GRM5: variants seen among roughly 807,000 people sequenced by gnomAD.
GRM5 encodes the protein metabotropic glutamate receptor 5.
A neutral mutation model predicts 83.1 loss-of-function variants in GRM5; 19 were observed. The observed-to-expected ratio is 0.23, with a 90% CI of 0.16 to 0.34. The LOEUF is 0.34. Among genes scored for constraint, GRM5 ranks in the 10% least tolerant of loss-of-function variants. The pLI is 1.00. For missense variants in GRM5, 1,160 were observed against 1,588.3 expected (o/e 0.73, Z 4.58); for synonymous variants, 675 against 633.6 (o/e 1.07, Z -0.98).
At chr11:88,608,500 C>T (rs1323205228) in intron 4 of GRM5, among the ~76,000 whole-genome samples, 6 of 147,558 alleles carry the variant, frequency 4.1e-5, no homozygotes, top group Non-Finnish European at 1.5e-5. Flanking sequence ...AATATAAGCT[C>T]TATGAAAACA....
intron 9 of GRM5, among the ~76,000 whole-genome samples, chr11:88,522,562 G>C (rs1276548473): frequency 7.5e-6 from 1 of 133,514 alleles, no homozygotes; most frequent in Non-Finnish European, 1.7e-5. Flanking sequence ...AGCATGGCAG[G>C]TCTCTCTTCT....
At chr11:88,700,528 T>C (rs7483991) in intron 3 of GRM5, among the ~76,000 whole-genome samples, 116,781 of 152,104 alleles carry the variant, frequency 0.77, 45,024 homozygotes, top group East Asian at 0.96. Flanking sequence ...TGGAATGTTG[T>C]CTGCATTGTA....
rs998888483 is a variant in GRM5, at chr11:88,604,816, A to G, written c.1296T>C (p.Ile432=). Residue 432 remains isoleucine, a synonymous_variant, in exon 5 of 10, where the codon ATT becomes ATC. Transcript: ENST00000305447. ...YAGLCDAMKP[I]DGRKLLESLM... is the part of the protein sequence containing the mutation. ...GGGACTCCAAAAGTTTCCGTCCATC[A>G]ATTGGCTTCATGGCATCACAGAGTC... The G allele has an allele frequency of 1.9e-6, 3 of 1,613,830 alleles. No individual in the cohort carries two copies. Among genetic ancestry groups the G allele is most frequent in the African/African-American group, 1.3e-5 (1 of 74,918 alleles).
intron 2 of GRM5, among the ~76,000 whole-genome samples, chr11:88,959,953 T>A (rs941888513): frequency 2.0e-5 from 3 of 152,190 alleles, no homozygotes; most frequent in Non-Finnish European, 4.4e-5. Flanking sequence ...TAAACTCAGT[T>A]TAACATATGG....
intron 3 of GRM5, among the ~76,000 whole-genome samples, chr11:88,833,754 T>C (rs1183789062): frequency 6.6e-6 from 1 of 152,150 alleles, no homozygotes; most frequent in Non-Finnish European, 1.5e-5. Flanking sequence ...AGAAATGTGG[T>C]ATATGTAAAC....
At chr11:88,860,502 G>A in intron 2 of GRM5, among the ~76,000 whole-genome samples, 1 of 152,124 alleles carries the variant, frequency 6.6e-6, no homozygotes, top group East Asian at 1.9e-4. Context: ...ATTCTAACTG[G>A]ATCTAATGAC....
intron 7 of GRM5, among the ~76,000 whole-genome samples, chr11:88,586,005 A>G (rs868759143): frequency 1.3e-5 from 2 of 152,104 alleles, no homozygotes; most frequent in Non-Finnish European, 2.9e-5. Context: ...CTAAGAATTT[A>G]TGACTGCTAT....
chr11:88,679,614 A>G (rs1476499708), intron 3 of GRM5, among the ~76,000 whole-genome samples: 1 of 151,234 alleles, frequency 6.6e-6, no homozygotes, highest in African/African-American at 2.5e-5. Flanking sequence ...TTAGCTTCAC[A>G]TATGATAATA....
At chr11:88,954,779 T>C (rs1938559081) in intron 2 of GRM5, among the ~76,000 whole-genome samples, 5 of 152,178 alleles carry the variant, frequency 3.3e-5, no homozygotes, top group Admixed American at 3.3e-4. Flanking sequence ...TTTGTTACCA[T>C]TGTTGGCATG....
chr11:88,568,307 A>C (rs1428773471), intron 7 of GRM5, among the ~76,000 whole-genome samples: 1 of 152,216 alleles, frequency 6.6e-6, no homozygotes, highest in Non-Finnish European at 1.5e-5. Context: ...AAGGGTCATG[A>C]AGAGGTATAA....
At chr11:88,952,570 G>A (rs949987483) in intron 2 of GRM5, among the ~76,000 whole-genome samples, 4 of 151,920 alleles carry the variant, frequency 2.6e-5, no homozygotes, top group African/African-American at 4.8e-5. Context: ...TCTCAGTACC[G>A]CCTACTACCT....
At chr11:89,030,725 G>T (rs971275926) in intron 2 of GRM5, among the ~76,000 whole-genome samples, 5 of 151,982 alleles carry the variant, frequency 3.3e-5, no homozygotes, top group Admixed American at 3.3e-4. Flanking sequence ...GTATAAAATT[G>T]AGAATCTTAG....
At chr11:89,023,920 T>G (rs1341329280) in intron 2 of GRM5, among the ~76,000 whole-genome samples, 1 of 150,248 alleles carries the variant, frequency 6.7e-6, no homozygotes, top group East Asian at 2.0e-4. Flanking sequence ...AATAATGATC[T>G]TAATATTAAA....
At chr11:88,821,242 T>C (rs939445207) in intron 3 of GRM5, among the ~76,000 whole-genome samples, 1 of 151,502 alleles carries the variant, frequency 6.6e-6, no homozygotes, top group Non-Finnish European at 1.5e-5. Flanking sequence ...GCAGAGAATT[T>C]GGGCTTATTC....
intron 2 of GRM5, among the ~76,000 whole-genome samples, chr11:88,951,174 G>A (rs896088646): frequency 1.3e-5 from 2 of 152,100 alleles, no homozygotes; most frequent in African/African-American, 4.8e-5. Flanking sequence ...CTGCTATGCA[G>A]GAAAAACTGT....
At chr11:88,620,014 A>G (rs1282274358) in intron 4 of GRM5, among the ~76,000 whole-genome samples, 1 of 152,218 alleles carries the variant, frequency 6.6e-6, no homozygotes, top group East Asian at 1.9e-4. Context: ...AGTTATGCAC[A>G]GTGGATGATA....
At chr11:88,985,908 T>G (rs1176006000) in intron 2 of GRM5, among the ~76,000 whole-genome samples, 5 of 152,184 alleles carry the variant, frequency 3.3e-5, no homozygotes, top group Admixed American at 3.3e-4. Context: ...ATATTGCTGA[T>G]AGTAGTATAA....
intron 4 of GRM5, among the ~76,000 whole-genome samples, chr11:88,634,914 A>G (rs1233597683): frequency 6.6e-6 from 1 of 152,172 alleles, no homozygotes; most frequent in East Asian, 1.9e-4. Context: ...TTTCAGCGCC[A>G]TTATAATGTG....
intron 2 of GRM5, among the ~76,000 whole-genome samples, chr11:88,885,637 ACAAAC>A (rs1156811063): frequency 6.6e-6 from 1 of 151,974 alleles, no homozygotes; most frequent in Non-Finnish European, 1.5e-5. Context: ...TGCCTTTAAA[ACAAAC>A]CAAACCAAAG....
Sources: gnomAD v4.1 joint callset for allele counts (sites outside exome capture counted in the v4.1 genomes callset) on GRCh38, gnomAD v4.1.1 for gene constraint, MANE v1.5 for transcripts, NCBI Gene and HGNC (gene_info 2026-07-23, HGNC 2026-07-21) for gene names.